Variants in SNX30 observed in about 807,000 individuals in gnomAD.
SNX30 encodes the protein sorting nexin-30.
In SNX30, 24 loss-of-function variants were observed where a neutral mutation model predicts 46.4. The ratio of observed to expected loss-of-function variants is 0.52; its 90% CI spans 0.37 to 0.73. The LOEUF is 0.73. Among genes scored for constraint, SNX30 ranks in the 30% least tolerant of loss-of-function variants. The pLI, the probability that SNX30 is intolerant of heterozygous loss-of-function variation, is 0.00. For missense variants in SNX30, 533 were observed against 555.7 expected (o/e 0.96, Z 0.41); for synonymous variants, 189 against 211.5 (o/e 0.89, Z 0.92).
chr9:112,875,247 T>C (rs1418843013), downstream of SNX30: 2 of 152,308 alleles, frequency 1.3e-5, no homozygotes, highest in East Asian at 1.9e-4. Flanking sequence ...AACTTCCTAG[T>C]GTAGTAGCCA....
At chr9:112,827,024 C>T (rs1840588256) in intron 3 of SNX30, among the ~76,000 whole-genome samples, 1 of 152,176 alleles carries the variant, frequency 6.6e-6, no homozygotes, top group African/African-American at 2.4e-5. Flanking sequence ...TGACTCTATT[C>T]CCCTCTCTTC....
intron 4 of SNX30, among the ~76,000 whole-genome samples, chr9:112,832,779 TAAAA>T (rs1840686667): frequency 6.8e-6 from 1 of 146,016 alleles, no homozygotes; most frequent in Non-Finnish European, 1.5e-5. Flanking sequence ...AGTATAATAA[TAAAA>T]AATTTAAAAA....
At position 112,810,140 on chromosome 9, in the gene SNX30, C is replaced by G. The variant is rs1335346509; in HGVS notation, c.348+5173C>G. 2.6e-5 allele frequency among the ~76,000 whole-genome samples: 4 copies of G among 151,928 alleles called. No homozygotes were observed. The East Asian group carries it at 7.7e-4, about 29-fold the overall frequency. On this transcript the variant is annotated intron_variant, in intron 2 of 8. Coordinates refer to ENST00000374232, the MANE Select transcript of SNX30 (RefSeq NM_001012994.2). ...TTTCTCTCTGAATAGATGATGAAGC[C>G]TTCTAAGGGTGGGGGTGGTTTGAAG...
intron 1 of SNX30, among the ~76,000 whole-genome samples, chr9:112,789,549 G>A (rs1401942118): frequency 6.6e-6 from 1 of 152,192 alleles, no homozygotes; most frequent in Non-Finnish European, 1.5e-5. Flanking sequence ...TTGGCCTTGT[G>A]TATTCGGTGT....
At chr9:112,789,085 T>A (rs1033460032) in intron 1 of SNX30, among the ~76,000 whole-genome samples, 1 of 152,220 alleles carries the variant, frequency 6.6e-6, no homozygotes, top group African/African-American at 2.4e-5. Context: ...AGTGCGCCAC[T>A]GCACCTGGCC....
intron 1 of SNX30, among the ~76,000 whole-genome samples, chr9:112,773,773 A>C (rs1486836484): frequency 1.3e-5 from 2 of 152,222 alleles, no homozygotes; most frequent in Non-Finnish European, 2.9e-5. Flanking sequence ...TTATGACTTC[A>C]AGGCCAAATT....
At chr9:112,798,055 C>T (rs1187919353) in intron 1 of SNX30, among the ~76,000 whole-genome samples, 1 of 146,144 alleles carries the variant, frequency 6.8e-6, no homozygotes, top group Admixed American at 6.9e-5. Context: ...GTGGTCTTGA[C>T]AAAGTGGGAA....
chr9:112,775,542 T>TTGTTTG (rs1219813458), intron 1 of SNX30, among the ~76,000 whole-genome samples: 3 of 131,336 alleles, frequency 2.3e-5, no homozygotes, highest in Non-Finnish European at 4.8e-5. Flanking sequence ...TATTTTAAAT[T>TTGTTTG]TGTGTGTGTG....
At chr9:112,837,836 A>G (rs1334446374) in intron 5 of SNX30, among the ~76,000 whole-genome samples, 4 of 145,514 alleles carry the variant, frequency 2.7e-5, no homozygotes, top group East Asian at 2.0e-4. Context: ...CTCTGCCTCC[A>G]TTGCCTGTTA....
intron 1 of SNX30, among the ~76,000 whole-genome samples, chr9:112,791,272 T>C (rs1264738421): frequency 6.6e-6 from 1 of 152,136 alleles, no homozygotes; most frequent in Non-Finnish European, 1.5e-5. Context: ...TTGCCTGTTC[T>C]GACATTTCAT....
chr9:112,878,514 T>C (rs1841541681), downstream of SNX30: 1 of 152,200 alleles, frequency 6.6e-6, no homozygotes, highest in African/African-American at 2.4e-5. Flanking sequence ...ATTAGTGAGG[T>C]TGGAGAGGTT....
intron 1 of SNX30, 150 bp from the exon 2 acceptor site, chr9:112,804,626 C>T: frequency 1.6e-6 from 1 of 610,504 alleles, no homozygotes; most frequent in Admixed American, 3.1e-5. Flanking sequence ...TTTGTTCACT[C>T]AAGAAACACT....
chr9:112,796,632 T>G (rs561958910), intron 1 of SNX30, among the ~76,000 whole-genome samples: 17 of 152,318 alleles, frequency 1.1e-4, no homozygotes, highest in African/African-American at 4.1e-4. Flanking sequence ...GAGTACCTTC[T>G]GTGAAAAATG....
At chr9:112,833,293 G>A (rs1840698430) in intron 4 of SNX30, among the ~76,000 whole-genome samples, 1 of 150,620 alleles carries the variant, frequency 6.6e-6, no homozygotes, top group Non-Finnish European at 1.5e-5. Context: ...TCTGCCTTAG[G>A]GAATGCAGAG....
In SNX30 at chr9:112,797,868, T is replaced by C. The variant is rs558829641; in HGVS notation, c.157-6908T>C. 1.9e-4 allele frequency among the ~76,000 whole-genome samples: 22 copies of C among 113,918 alleles called. No homozygotes were observed. In the South Asian group the frequency reaches 6.3e-3, roughly 33 times the overall value. 74.7% of individuals were successfully genotyped at this position (113,918 alleles called of 152,430 possible). A position where few individuals can be genotyped will look rare whatever the true frequency, so the allele number is the denominator to read the frequency against. ...CGCACGCCACCGTGCCCAGCTAATA[T>C]TGGTATTTTTTTTTTTTTTTTTTTT... On this transcript the variant is annotated intron_variant, in intron 1 of 8. Coordinates refer to ENST00000374232, the MANE Select transcript of SNX30 (RefSeq NM_001012994.2).
At chr9:112,766,157 G>A (rs1056192557) in intron 1 of SNX30, among the ~76,000 whole-genome samples, 3 of 152,232 alleles carry the variant, frequency 2.0e-5, no homozygotes, top group South Asian at 2.1e-4. Flanking sequence ...TCACCATGCC[G>A]TATATTAGGT....
At chr9:112,857,276 A>G (rs78202612) in intron 7 of SNX30, among the ~76,000 whole-genome samples, 6,625 of 152,300 alleles carry the variant, frequency 0.043, 347 homozygotes, top group South Asian at 0.18. Context: ...ATAATTAAAA[A>G]AGCATTCATT....
At chr9:112,764,886 G>GA (rs1318786982) in intron 1 of SNX30, among the ~76,000 whole-genome samples, 8 of 152,208 alleles carry the variant, frequency 5.3e-5, no homozygotes, top group Non-Finnish European at 1.0e-4. Context: ...TATTCTCTCA[G>GA]ACTAACATCA....
chr9:112,875,963 T>A (rs911542482), downstream of SNX30: 1 of 152,202 alleles, frequency 6.6e-6, no homozygotes, highest in Non-Finnish European at 1.5e-5. Context: ...ATTTTTTTAT[T>A]TTTCGCAGAG....
Sources: gnomAD v4.1 joint callset for allele counts (sites outside exome capture counted in the v4.1 genomes callset) on GRCh38, gnomAD v4.1.1 for gene constraint, MANE v1.5 for transcripts, NCBI Gene and HGNC (gene_info 2026-07-23, HGNC 2026-07-21) for gene names.